ADAM22: variants seen among roughly 807,000 people sequenced by gnomAD.
ADAM22 encodes the protein ADAM metallopeptidase domain 22, also known as disintegrin and metalloproteinase domain-containing protein 22.
ADAM22 carries 65 observed loss-of-function variants against 144.6 expected under a neutral mutation model. That is an observed-to-expected ratio of 0.45 (90% CI 0.37 to 0.55). The LOEUF (loss-of-function observed/expected upper bound fraction) is 0.55. Ranked by LOEUF, ADAM22 falls within the 20% of genes least tolerant of loss-of-function variation. The pLI, the probability that ADAM22 is intolerant of heterozygous loss-of-function variation, is 0.00. For missense variants in ADAM22, 974 were observed against 1,184.9 expected, an observed-to-expected ratio of 0.82 and a Z score of 2.61; for synonymous variants, 391 against 412.6, an observed-to-expected ratio of 0.95 and a Z score of 0.63.
intron 3 of ADAM22, among the ~76,000 whole-genome samples, chr7:88,031,658 C>G (rs1275741640): frequency 6.6e-6 from 1 of 152,208 alleles, no homozygotes; most frequent in Non-Finnish European, 1.5e-5. Flanking sequence ...TTATCTGAAC[C>G]TGGAACTTAT....
chr7:88,178,620 A>T lies in ADAM22; in HGVS notation c.2301-315A>T, dbSNP rs543763849. ...ACACCTTCGACATATTTTTTTTTTA[A>T]AAAAAGACAAAAATGCACTTAACAT... On this transcript the variant is annotated intron_variant, in intron 26 of 31. Coordinates refer to ENST00000413139, the MANE Select transcript of ADAM22 (RefSeq NM_001324418.2). Among the ~76,000 whole-genome samples, 78 of 151,494 alleles carry T rather than the reference A, an allele frequency of 5.1e-4. 1 individual carries two copies. Among genetic ancestry groups the T allele is most frequent in the African/African-American group, 1.4e-3 (56 of 41,286 alleles).
intron 23 of ADAM22, 132 bp downstream of exon 23, chr7:88,163,312 A>G (rs1370381118): frequency 3.1e-6 from 2 of 647,258 alleles, no homozygotes; most frequent in Non-Finnish European, 4.7e-6. Flanking sequence ...ATAAATACTA[A>G]TTCAATTATA....
chr7:88,011,312 C>T (rs897114537), intron 3 of ADAM22, among the ~76,000 whole-genome samples: 3 of 152,200 alleles, frequency 2.0e-5, no homozygotes, highest in East Asian at 1.9e-4. Context: ...GAGGCCGAGG[C>T]GGGCGGATCA....
chr7:88,136,040 C>T lies in ADAM22; in HGVS notation c.1220+9C>T. 1.9e-6 allele frequency: 3 copies of T among 1,610,766 alleles called. No individual in the cohort carries two copies. The highest frequency in any genetic ancestry group is 2.5e-6 in the Non-Finnish European group (3 of 1,178,250). On this transcript the variant is annotated intron_variant, in intron 14 of 31. Coordinates refer to ENST00000413139, the MANE Select transcript of ADAM22 (RefSeq NM_001324418.2). Reference sequence around the variant, plus strand: ...ATAATGGGAGACACTGGGTGAGCCACTTGTATTTGAAAATAACTCAGTCTT... The same window carrying T: ...ATAATGGGAGACACTGGGTGAGCCATTTGTATTTGAAAATAACTCAGTCTT...
chr7:88,132,815 T>C, intron 11 of ADAM22, 52 bp from the exon 12 acceptor site: 1 of 1,418,308 alleles, frequency 7.1e-7, no homozygotes, highest in South Asian at 1.2e-5. Context: ...TGAGGGGTGC[T>C]ATGATGTTTG....
At chr7:88,120,392 C>T (rs1182155883) in intron 7 of ADAM22, among the ~76,000 whole-genome samples, 1 of 151,862 alleles carries the variant, frequency 6.6e-6, no homozygotes, top group Non-Finnish European at 1.5e-5. Context: ...GTGAGAACCA[C>T]TGTTTTATGA....
chr7:87,957,935 T>C (rs1187277542), intron 2 of ADAM22, among the ~76,000 whole-genome samples: 1 of 152,188 alleles, frequency 6.6e-6, no homozygotes, highest in African/African-American at 2.4e-5. Context: ...TATTACTGTT[T>C]TGTGTGTATT....
chr7:88,115,516 A>G (rs1340117100), intron 6 of ADAM22, among the ~76,000 whole-genome samples: 2 of 152,084 alleles, frequency 1.3e-5, no homozygotes, highest in Middle Eastern at 3.4e-3. Context: ...GTGTTCTCAC[A>G]TGGCAGAGAG....
chr7:88,181,755 C>T, intron 28 of ADAM22, 150 bp downstream of exon 28: 2 of 820,488 alleles, frequency 2.4e-6, no homozygotes, highest in Non-Finnish European at 1.9e-6. Flanking sequence ...TAGTTTTTAT[C>T]TGGATGGGAA....
chr7:88,020,062 A>G (rs1267515960), intron 3 of ADAM22, among the ~76,000 whole-genome samples: 3 of 152,028 alleles, frequency 2.0e-5, no homozygotes, highest in Admixed American at 6.6e-5. Context: ...GTGGATAGCA[A>G]TTTTTTTCTG....
chr7:87,960,007 A>G (rs1847680315), intron 2 of ADAM22, among the ~76,000 whole-genome samples: 2 of 152,102 alleles, frequency 1.3e-5, no homozygotes, highest in Non-Finnish European at 2.9e-5. Flanking sequence ...ATTGTAGAGT[A>G]GTTGTGATCT....
At chr7:88,189,001 A>G (rs945952329) in intron 30 of ADAM22, among the ~76,000 whole-genome samples, 1 of 152,132 alleles carries the variant, frequency 6.6e-6, no homozygotes, top group African/African-American at 2.4e-5. Context: ...CGGCATCCTT[A>G]TCAAAATGCA....
chr7:88,032,880 A>T (rs1800636119), intron 3 of ADAM22, among the ~76,000 whole-genome samples: 1 of 152,040 alleles, frequency 6.6e-6, no homozygotes, highest in Non-Finnish European at 1.5e-5. Flanking sequence ...CCATATGAAG[A>T]TGTGCTTATT....
intron 2 of ADAM22, among the ~76,000 whole-genome samples, chr7:87,976,872 T>C (rs75595096): frequency 1.0e-3 from 147 of 147,476 alleles, no homozygotes; most frequent in Middle Eastern, 3.5e-3. Context: ...TTTTATTTCT[T>C]TTTTTTTTTT....
At chr7:87,956,500 G>T (rs968186120) in intron 2 of ADAM22, among the ~76,000 whole-genome samples, 1 of 152,108 alleles carries the variant, frequency 6.6e-6, no homozygotes. Flanking sequence ...AATGGTATAC[G>T]ATTGAGTTTT....
rs1279823295 is a variant in ADAM22, at chr7:88,018,288, G to A, written c.323+39876G>A. Among the ~76,000 whole-genome samples, 8 of 152,164 alleles carry A rather than the reference G, an allele frequency of 5.3e-5. No homozygotes were observed. The South Asian group carries it at 1.7e-3, about 32-fold the overall frequency. On this transcript the variant is annotated intron_variant, in intron 3 of 31. Transcript: ENST00000413139. ...CCCAGAAACCACCGTTCTCTTTGTT[G>A]TTTCATGTTGTTTGAGATGCCACAG... is the stretch of plus-strand genomic sequence containing the variant.
chr7:87,956,465 AC>A (rs1846783198), intron 2 of ADAM22, among the ~76,000 whole-genome samples: 1 of 152,234 alleles, frequency 6.6e-6, no homozygotes, highest in Non-Finnish European at 1.5e-5. Flanking sequence ...TATAATTCAC[AC>A]AGTATAGAAT....
At chr7:88,130,055 A>G (rs1296097654) in intron 9 of ADAM22, among the ~76,000 whole-genome samples, 1 of 152,126 alleles carries the variant, frequency 6.6e-6, no homozygotes, top group Non-Finnish European at 1.5e-5. Flanking sequence ...TGCAATTCAT[A>G]GACAACTTTC....
chr7:88,143,889 A>T (rs1835536787), intron 15 of ADAM22, among the ~76,000 whole-genome samples: 1 of 152,174 alleles, frequency 6.6e-6, no homozygotes, highest in African/African-American at 2.4e-5. Context: ...CAATTTTAAG[A>T]CTCTTCGAAA....
Sources: allele counts gnomAD v4.1 joint callset (sites outside exome capture counted in the v4.1 genomes callset), GRCh38; gene constraint gnomAD v4.1.1; transcripts MANE v1.5; gene names NCBI Gene and HGNC (gene_info 2026-07-23, HGNC 2026-07-21).